SOAT1: variants seen among roughly 807,000 people sequenced by gnomAD.
SOAT1 encodes the protein sterol O-acyltransferase 1, also known as acyl-coenzyme A:cholesterol acyltransferase 1.
SOAT1 carries 55 observed loss-of-function variants against 69.5 expected under a neutral mutation model. The observed-to-expected ratio is 0.79, with a 90% CI of 0.64 to 0.99. The LOEUF (loss-of-function observed/expected upper bound fraction) is 0.99, where lower values mean the gene tolerates loss of function less well. Ranked by LOEUF, SOAT1 falls within the 50% of genes least tolerant of loss-of-function variation. The pLI is 0.00. For synonymous variants in SOAT1, 231 were observed against 224.7 expected (o/e 1.03, Z -0.25); for missense variants, 580 against 669.3 (o/e 0.87, Z 1.47).
At chr1:179,329,933 T>C (rs991673496) in intron 3 of SOAT1, among the ~76,000 whole-genome samples, 2 of 152,172 alleles carry the variant, frequency 1.3e-5, no homozygotes, top group African/African-American at 4.8e-5. Flanking sequence ...AGCAGGTCCA[T>C]AGCTGATACT....
chr1:179,334,042 T>C (rs1379078070), intron 3 of SOAT1, among the ~76,000 whole-genome samples: 1 of 152,202 alleles, frequency 6.6e-6, no homozygotes, highest in Admixed American at 6.5e-5. Context: ...CCCTGGGCAG[T>C]CTATTCTTGA....
intron 10 of SOAT1, among the ~76,000 whole-genome samples, chr1:179,344,697 G>C (rs1278740796): frequency 6.6e-6 from 1 of 152,104 alleles, no homozygotes; most frequent in Non-Finnish European, 1.5e-5. Flanking sequence ...TAAGCAGCAG[G>C]AAAACAGGTT....
chr1:179,347,780 C>T (rs2125001251), intron 12 of SOAT1, 83 bp downstream of exon 12: 1 of 788,790 alleles, frequency 1.3e-6, no homozygotes, highest in East Asian at 2.6e-5. Context: ...TGGCTAATGT[C>T]ACCAGCCTTT....
chr1:179,295,239 A>G (rs72715506), intron 1 of SOAT1, among the ~76,000 whole-genome samples: 3,427 of 151,934 alleles, frequency 0.023, 66 homozygotes, highest in Middle Eastern at 0.051. Flanking sequence ...GGAAAGCTTC[A>G]TTTTCTTTCC....
chr1:179,295,485 T>C lies in SOAT1; in HGVS notation c.-9+1549T>C, dbSNP rs113814352. 7.8e-3 allele frequency among the ~76,000 whole-genome samples: 1,183 copies of C among 152,306 alleles called. 9 individuals carry two copies. The highest frequency in any genetic ancestry group is 0.027 in the African/African-American group (1,106 of 41,552). ...ATTTCATGAAGGCTGGTTTAGCCTG[T>C]TGTAATTTTCAGGGTCTGGTCCAGC... On this transcript the variant is annotated intron_variant, in intron 1 of 15. Transcript: ENST00000367619.
rs372630515 is a variant in SOAT1, at chr1:179,356,854, G to GTTT, written c.*3224_*3226dup. 3 of 138,842 alleles carry GTTT rather than the reference G, an allele frequency of 2.2e-5. No individual in the cohort carries two copies. The highest frequency in any genetic ancestry group is 4.6e-5 in the Non-Finnish European group (3 of 64,966). 8.6% of individuals were successfully genotyped at this position (138,842 alleles called of 1,614,324 possible). Reference sequence around the variant, plus strand: ...ACCACCACACCCAGCTAATTTATTTGTTTTTTTTTTTTTAGAGATGGGGGG... The same window carrying GTTT: ...ACCACCACACCCAGCTAATTTATTTGTTTTTTTTTTTTTTTTAGAGATGGGGGG... On this transcript the variant is annotated 3_prime_UTR_variant, in exon 16 of 16. Coordinates refer to ENST00000367619, the MANE Select transcript of SOAT1 (RefSeq NM_003101.6).
At chr1:179,322,639 G>T (rs10913721) in intron 2 of SOAT1, among the ~76,000 whole-genome samples, 41,238 of 152,060 alleles carry the variant, frequency 0.27, 5,786 homozygotes, top group East Asian at 0.46. Context: ...GACCCGACTT[G>T]GGTTAGCTTT....
At chr1:179,316,689 G>C (rs1438223545) in intron 2 of SOAT1, among the ~76,000 whole-genome samples, 1 of 152,156 alleles carries the variant, frequency 6.6e-6, no homozygotes, top group African/African-American at 2.4e-5. Flanking sequence ...CACCACGCCT[G>C]GCACTAAGTA....
At position 179,354,366 on chromosome 1, in the gene SOAT1, G is replaced by A. The variant is rs1666842067; in HGVS notation, c.*725G>A. 6.6e-6 allele frequency: 1 copy of A among 152,514 alleles called. No individual in the cohort carries two copies. Among genetic ancestry groups the A allele is most frequent in the South Asian group, 2.1e-4 (1 of 4,828 alleles). The allele number at this position is 152,514 out of a possible 1,614,324, so 9.4% of individuals were successfully genotyped here. A position where few individuals can be genotyped will look rare whatever the true frequency, so the allele number is the denominator to read the frequency against. On this transcript the variant is annotated 3_prime_UTR_variant, in exon 16 of 16. Coordinates refer to ENST00000367619, the MANE Select transcript of SOAT1 (RefSeq NM_003101.6). ...AGTAGGAAGGAAAAAATAAGAGATA[G>A]CAGAGGAAAAAGAAAAACATTTCCT...
intron 3 of SOAT1, among the ~76,000 whole-genome samples, chr1:179,326,658 A>AGTGATT (rs1253039983): frequency 8.0e-5 from 12 of 149,392 alleles, no homozygotes; most frequent in Non-Finnish European, 5.9e-5. Context: ...CCCGGGTTCA[A>AGTGATT]GTGATTCTCC....
Position 179,344,352 on chromosome 1 carries a change from G to GTTTTTTTTTTTTTTTTTTTTTTTTT in SOAT1, c.988-595_988-594insTTTTTTTTTTTTTTTTTTTTTTTTT, listed in dbSNP as rs762911049. Among the ~76,000 whole-genome samples the GTTTTTTTTTTTTTTTTTTTTTTTTT allele has an allele frequency of 5.0e-5, 6 of 120,524 alleles. 3 individuals are homozygous for GTTTTTTTTTTTTTTTTTTTTTTTTT. Among genetic ancestry groups the GTTTTTTTTTTTTTTTTTTTTTTTTT allele is most frequent in the African/African-American group, 6.0e-5 (2 of 33,266 alleles). The allele number at this position is 120,524 out of a possible 152,430, so 79.1% of individuals were successfully genotyped here. A position where few individuals can be genotyped will look rare whatever the true frequency, so the allele number is the denominator to read the frequency against. On this transcript the variant is annotated intron_variant, in intron 10 of 15. Transcript: ENST00000367619. ...TATGAAGTAAGTTCTTTCATTAAGG[G>GTTTTTTTTTTTTTTTTTTTTTTTTT]GTTTTTTTTTTTTTTTTTTTTTTTT...
At chr1:179,335,077 G>A (rs1187593064) in intron 3 of SOAT1, among the ~76,000 whole-genome samples, 2 of 151,198 alleles carry the variant, frequency 1.3e-5, no homozygotes, top group African/African-American at 4.9e-5. Context: ...TAATTATAAC[G>A]TGGGGATAAG....
intron 15 of SOAT1, among the ~76,000 whole-genome samples, chr1:179,352,737 A>G (rs1322463611): frequency 2.0e-5 from 3 of 152,108 alleles, no homozygotes; most frequent in African/African-American, 7.2e-5. Context: ...GAAGATGTCC[A>G]TAATGAAATT....
At chr1:179,347,449 C>G (rs1289329985) in intron 11 of SOAT1, 151 bp from the exon 12 acceptor site, 1 of 524,194 alleles carries the variant, frequency 1.9e-6, no homozygotes, top group Non-Finnish European at 3.4e-6. Context: ...TAATTAACTC[C>G]AAAAGTATAT....
chr1:179,319,238 T>A (rs924745261), intron 2 of SOAT1, among the ~76,000 whole-genome samples: 13 of 150,866 alleles, frequency 8.6e-5, no homozygotes, highest in African/African-American at 2.2e-4. Context: ...CTTTTTTTTT[T>A]AAAAGAAATA....
chr1:179,337,247 C>G (rs142352965), intron 4 of SOAT1, among the ~76,000 whole-genome samples: 81 of 152,120 alleles, frequency 5.3e-4, no homozygotes, highest in African/African-American at 1.9e-3. Flanking sequence ...GGTAGTAGTA[C>G]GAAAAGCCCT....
At position 179,354,973 on chromosome 1, in the gene SOAT1, G is replaced by GT. The variant is rs1371072526; in HGVS notation, c.*1336dup. 2.0e-5 allele frequency: 3 copies of GT among 152,290 alleles called. No homozygotes were observed. The East Asian group carries it at 5.8e-4, about 29-fold the overall frequency. The allele number at this position is 152,290 out of a possible 1,614,324, so 9.4% of individuals were successfully genotyped here. A position where few individuals can be genotyped will look rare whatever the true frequency, so the allele number is the denominator to read the frequency against. ...GGCTCTCTTGGTATTGTTTGGAATT[G>GT]TTTTAAAGTCAGTTTGAGTCTCACA... On this transcript the variant is annotated 3_prime_UTR_variant, in exon 16 of 16. Coordinates refer to ENST00000367619, the MANE Select transcript of SOAT1 (RefSeq NM_003101.6).
Position 179,302,810 on chromosome 1 carries a change from T to C in SOAT1, c.118+8T>C, listed in dbSNP as rs767641973. On this transcript the variant is annotated splice_region_variant and intron_variant, in intron 2 of 15. Coordinates refer to ENST00000367619, the MANE Select transcript of SOAT1 (RefSeq NM_003101.6). The stretch of plus-strand genomic sequence containing the variant: ...TAGAGACACCTAGTAATGGTGAGGC[T>C]TAATTTTTTTTTTTTAGGTGAATTA... 60 of 1,514,888 alleles carry C rather than the reference T, an allele frequency of 4.0e-5. No homozygotes were observed. Among genetic ancestry groups the C allele is most frequent in the Non-Finnish European group, 5.3e-5 (60 of 1,121,918 alleles). The allele number at this position is 1,514,888 out of a possible 1,614,324, so 93.8% of individuals were successfully genotyped here. A position where few individuals can be genotyped will look rare whatever the true frequency, so the allele number is the denominator to read the frequency against.
intron 8 of SOAT1, 70 bp downstream of exon 8, chr1:179,342,262 C>A: frequency 1.1e-6 from 1 of 892,132 alleles, no homozygotes; most frequent in Non-Finnish European, 1.7e-6. Flanking sequence ...ATTCCCTTCC[C>A]TTCCCTTCCC....
Sources: gnomAD v4.1 joint callset for allele counts (sites outside exome capture counted in the v4.1 genomes callset) on GRCh38, gnomAD v4.1.1 for gene constraint, MANE v1.5 for transcripts, NCBI Gene and HGNC (gene_info 2026-07-23, HGNC 2026-07-21) for gene names.